The following ATP2B1 variants were observed in gnomAD, a reference collection of about 807,000 sequenced individuals.
ATP2B1 encodes ATPase plasma membrane Ca2+ transporting 1, also known as plasma membrane calcium-transporting ATPase 1.
Under a neutral mutation model 124.2 loss-of-function variants are expected in ATP2B1, and 14 were observed. The ratio of observed to expected loss-of-function variants is 0.11; its 90% confidence interval spans 0.07 to 0.18. The LOEUF (loss-of-function observed/expected upper bound fraction) is 0.18. Among genes scored for constraint, ATP2B1 ranks in the 10% least tolerant of loss-of-function variants. The probability of loss-of-function intolerance (pLI) is 1.00; values close to 1 mark genes in which losing one functional copy is unlikely to be tolerated. For synonymous variants in ATP2B1, 449 were observed against 492.4 expected, an observed-to-expected ratio of 0.91 and a Z score of 1.17; for missense variants, 763 against 1,466.1, an observed-to-expected ratio of 0.52 and a Z score of 7.83.
intron 5 of ATP2B1, among the ~76,000 whole-genome samples, chr12:89,630,977 G>A (rs984567082): frequency 1.3e-5 from 2 of 151,732 alleles, no homozygotes; most frequent in Non-Finnish European, 2.9e-5. Context: ...TCACTATATT[G>A]CTCAGGCTGG....
Position 89,630,504 on chromosome 12 carries a change from C to A in ATP2B1, c.928+1G>T. On this transcript the variant is annotated splice_donor_variant, in intron 6 of 20. Transcript: ENST00000428670. LOFTEE classifies it high-confidence loss of function. ...CAATTATAGAAAATTGTTATTCTTA[C>A]TTTTCTTTTCCTTTTTCTTCTCATC... 6.4e-7 allele frequency: 1 copy of A among 1,562,896 alleles called. No individual in the cohort carries two copies. The highest frequency in any genetic ancestry group is 8.7e-7 in the Non-Finnish European group (1 of 1,155,494).
Position 89,677,964 on chromosome 12 carries a change from A to ATATG in ATP2B1, c.-221-21858_-221-21857insCATA, listed in dbSNP as rs1368511191. Among the ~76,000 whole-genome samples the ATATG allele has an allele frequency of 1.1e-4, 11 of 104,542 alleles. 1 individual carries two copies. Among genetic ancestry groups the ATATG allele is most frequent in the African/African-American group, 1.3e-4 (4 of 30,308 alleles). The allele number at this position is 104,542 out of a possible 152,430, so 68.6% of individuals were successfully genotyped here. A position where few individuals can be genotyped will look rare whatever the true frequency, so the allele number is the denominator to read the frequency against. On this transcript the variant is annotated intron_variant, in intron 1 of 20. Coordinates refer to ENST00000428670, the MANE Select transcript of ATP2B1 (RefSeq NM_001366521.1). ...GGGGGCATGCAGGAATTATATATAT[A>ATATG]TATATATACACACACACACACACAC...
chr12:89,701,636 A>C (rs1891863516), intron 1 of ATP2B1, among the ~76,000 whole-genome samples: 1 of 152,214 alleles, frequency 6.6e-6, no homozygotes, highest in Non-Finnish European at 1.5e-5. Context: ...CATTTCACAG[A>C]ATGTTACTAG....
At chr12:89,623,866 T>C (rs1880400394) in intron 9 of ATP2B1, among the ~76,000 whole-genome samples, 1 of 152,234 alleles carries the variant, frequency 6.6e-6, no homozygotes, top group Admixed American at 6.5e-5. Flanking sequence ...ACCTTAATTT[T>C]ACAGACGGGA....
chr12:89,610,812 G>A, intron 13 of ATP2B1: 1 of 349,800 alleles, frequency 2.9e-6, no homozygotes, highest in Non-Finnish European at 5.2e-6. Context: ...TCCCCCTACT[G>A]CCTATGAAAA....
At position 89,591,648 on chromosome 12, in the gene ATP2B1, TTTAAA is replaced by T. The variant is rs544434558; in HGVS notation, c.3352-358_3352-354del. Among the ~76,000 whole-genome samples the T allele has an allele frequency of 1.2e-3, 180 of 152,148 alleles. 1 individual carries two copies. Among genetic ancestry groups the T allele is most frequent in the Admixed American group, 2.3e-3 (35 of 15,256 alleles). ...AACCATACACAAGCTTAGCTGATTT[TTTAAA>T]TTAAAAAGAATGTATTTTGAAAACA... On this transcript the variant is annotated intron_variant, in intron 20 of 20. Coordinates refer to ENST00000428670, the MANE Select transcript of ATP2B1 (RefSeq NM_001366521.1).
rs143500355 is a variant in ATP2B1, at chr12:89,649,067, C to T, written c.208+6612G>A. 9.2e-3 allele frequency among the ~76,000 whole-genome samples: 1,403 copies of T among 152,370 alleles called. 24 individuals carry two copies. Among genetic ancestry groups the T allele is most frequent in the African/African-American group, 0.032 (1,311 of 41,592 alleles). ...AAGGCTTGGTGCCACAAGAGAAGCCCGCCTAGGGGCAGAGCCCCCATAGTG... is the reference window on the plus strand; with the variant it reads ...AAGGCTTGGTGCCACAAGAGAAGCCTGCCTAGGGGCAGAGCCCCCATAGTG... On this transcript the variant is annotated intron_variant, in intron 2 of 20. Transcript: ENST00000428670.
At chr12:89,641,984 A>T (rs1883598989) in intron 3 of ATP2B1, 174 bp downstream of exon 3, 1 of 648,012 alleles carries the variant, frequency 1.5e-6, no homozygotes, top group South Asian at 2.0e-5. Flanking sequence ...AACACAATCT[A>T]ATTCATAGGG....
At chr12:89,643,353 T>C (rs1436058572) in intron 2 of ATP2B1, among the ~76,000 whole-genome samples, 1 of 152,128 alleles carries the variant, frequency 6.6e-6, no homozygotes, top group African/African-American at 2.4e-5. Context: ...TCTGATTTTT[T>C]ACTCTCATTT....
At chr12:89,630,972 A>G (rs555231854) in intron 5 of ATP2B1, among the ~76,000 whole-genome samples, 1 of 151,884 alleles carries the variant, frequency 6.6e-6, no homozygotes, top group South Asian at 2.1e-4. Flanking sequence ...GGGTCTCACT[A>G]TATTGCTCAG....
At chr12:89,610,603 G>C in intron 13 of ATP2B1, 95 bp from the exon 14 acceptor site, 1 of 1,011,908 alleles carries the variant, frequency 9.9e-7, no homozygotes, top group Admixed American at 1.8e-5. Context: ...CTCAAAGTGT[G>C]GTCCACAGAA....
At chr12:89,683,872 G>A (rs1889651311) in intron 1 of ATP2B1, among the ~76,000 whole-genome samples, 1 of 152,056 alleles carries the variant, frequency 6.6e-6, no homozygotes, top group South Asian at 2.1e-4. Context: ...ATAAACCTTA[G>A]CACTATGAAA....
intron 1 of ATP2B1, among the ~76,000 whole-genome samples, chr12:89,688,161 A>C (rs1890167567): frequency 6.6e-6 from 1 of 152,046 alleles, no homozygotes; most frequent in South Asian, 2.1e-4. Flanking sequence ...CCCAAGGAGA[A>C]GATACAGCCT....
At chr12:89,625,396 C>T (rs1266936805) in intron 8 of ATP2B1, among the ~76,000 whole-genome samples, 1 of 151,874 alleles carries the variant, frequency 6.6e-6, no homozygotes, top group Non-Finnish European at 1.5e-5. Flanking sequence ...CCAGCCTGGC[C>T]AACACGGTGA....
At chr12:89,653,210 C>T (rs1277606458) in intron 2 of ATP2B1, among the ~76,000 whole-genome samples, 1 of 150,438 alleles carries the variant, frequency 6.6e-6, no homozygotes, top group South Asian at 2.1e-4. Flanking sequence ...AAACTGTCTA[C>T]GAATTAGAGA....
intron 1 of ATP2B1, among the ~76,000 whole-genome samples, chr12:89,673,771 G>C (rs1243315127): frequency 6.6e-6 from 1 of 152,108 alleles, no homozygotes; most frequent in Admixed American, 6.6e-5. Flanking sequence ...CTATGATTGA[G>C]GGCTGATGAG....
chr12:89,619,546 G>T (rs1879593829), intron 11 of ATP2B1, among the ~76,000 whole-genome samples: 1 of 151,462 alleles, frequency 6.6e-6, no homozygotes, highest in Non-Finnish European at 1.5e-5. Context: ...CAGGGGCGGA[G>T]GGTGAAGTGA....
chr12:89,663,991 G>A (rs747843332), intron 1 of ATP2B1, among the ~76,000 whole-genome samples: 2 of 152,184 alleles, frequency 1.3e-5, no homozygotes, highest in African/African-American at 2.4e-5. Context: ...AACGAGATTC[G>A]TTTATTGATA....
chr12:89,708,037 A>G (rs1291000731), intron 1 of ATP2B1, among the ~76,000 whole-genome samples: 1 of 152,028 alleles, frequency 6.6e-6, no homozygotes, highest in East Asian at 1.9e-4. Context: ...CGGCTCTCCA[A>G]CTCCCGAGGA....
Sources: allele counts gnomAD v4.1 joint callset (sites outside exome capture counted in the v4.1 genomes callset), GRCh38; gene constraint gnomAD v4.1.1; transcripts MANE v1.5; gene names NCBI Gene and HGNC (gene_info 2026-07-23, HGNC 2026-07-21).